The following PIGK variants were observed in gnomAD, a reference collection of about 807,000 sequenced individuals.
PIGK encodes phosphatidylinositol glycan anchor biosynthesis class K, also known as GPI-anchor transamidase.
In PIGK, 42 loss-of-function variants were observed where a neutral mutation model predicts 50.6. The ratio of observed to expected loss-of-function variants is 0.83; its 90% CI spans 0.65 to 1.07. The LOEUF (loss-of-function observed/expected upper bound fraction) is 1.07. Among genes scored for constraint, PIGK ranks in the 50% least tolerant of loss-of-function variants. The pLI is 0.00. For missense variants in PIGK, 448 were observed against 488.7 expected (o/e 0.92, Z 0.78); for synonymous variants, 151 against 156.0 (o/e 0.97, Z 0.24).
At chr1:77,129,062 A>G (rs1654296631) in intron 9 of PIGK, 1 of 804,800 alleles carries the variant, frequency 1.2e-6, no homozygotes, top group African/African-American at 1.7e-5. Context: ...CAAATGCTTT[A>G]AATATTTACT....
chr1:77,202,378 G>T (rs1416442000), intron 3 of PIGK, among the ~76,000 whole-genome samples: 1 of 152,182 alleles, frequency 6.6e-6, no homozygotes. Context: ...GACCCAGAAA[G>T]CTTTAGGGAA....
intron 3 of PIGK, among the ~76,000 whole-genome samples, chr1:77,191,213 T>C (rs771537487): frequency 6.6e-6 from 1 of 152,240 alleles, no homozygotes; most frequent in South Asian, 2.1e-4. Context: ...TAGTCATGAA[T>C]GTCACTGATC....
intron 9 of PIGK, among the ~76,000 whole-genome samples, chr1:77,124,630 A>AC (rs75600405): frequency 0.041 from 6,248 of 151,702 alleles, 168 homozygotes; most frequent in Middle Eastern, 0.065. Context: ...CAAAAAAAAA[A>AC]ACACACACAC....
Position 77,099,916 on chromosome 1 carries a change from C to T in PIGK, c.1072-7426G>A, listed in dbSNP as rs370435170. On this transcript the variant is annotated intron_variant, in intron 10 of 10. Transcript: ENST00000370812. ...AAAGGTGAAAAGCGTACATAAAACA[C>T]GGCAATATGTTATAAGCAAACACTT... 1.0e-3 allele frequency among the ~76,000 whole-genome samples: 155 copies of T among 152,198 alleles called. 2 individuals are homozygous for T. The highest frequency in any genetic ancestry group is 3.5e-3 in the African/African-American group (146 of 41,542).
At chr1:77,136,515 C>CT in intron 9 of PIGK, among the ~76,000 whole-genome samples, 1 of 119,246 alleles carries the variant, frequency 8.4e-6, no homozygotes, top group Non-Finnish European at 1.6e-5. Context: ...GGCGACTGGG[C>CT]GACAGAGCGA....
intron 10 of PIGK, among the ~76,000 whole-genome samples, chr1:77,102,779 T>C (rs1301751826): frequency 6.6e-6 from 1 of 152,262 alleles, no homozygotes. Context: ...AGATGTTTAT[T>C]ATATGTCTAC....
chr1:77,172,177 C>A (rs1570240533), intron 3 of PIGK, among the ~76,000 whole-genome samples: 1 of 149,320 alleles, frequency 6.7e-6, no homozygotes, highest in African/African-American at 2.5e-5. Context: ...GGTGGACAAA[C>A]CACAACCTAA....
At chr1:77,100,347 A>G (rs1364305368) in intron 10 of PIGK, among the ~76,000 whole-genome samples, 6 of 152,220 alleles carry the variant, frequency 3.9e-5, no homozygotes, top group Non-Finnish European at 5.9e-5. Context: ...GTGGTGGTTT[A>G]TTAGTATTTC....
chr1:77,130,196 T>TTC (rs1654337361), intron 9 of PIGK, among the ~76,000 whole-genome samples: 1 of 147,062 alleles, frequency 6.8e-6, no homozygotes, highest in Admixed American at 6.7e-5. Flanking sequence ...TGTCTTTTTT[T>TTC]TTTTTTTTTG....
intron 10 of PIGK, among the ~76,000 whole-genome samples, chr1:77,117,208 C>T (rs1653998056): frequency 6.6e-6 from 1 of 152,158 alleles, no homozygotes; most frequent in South Asian, 2.1e-4. Flanking sequence ...TCTCTTATGC[C>T]TTGGATAATT....
chr1:77,137,132 C>G (rs1248569196), intron 9 of PIGK, among the ~76,000 whole-genome samples: 1 of 152,150 alleles, frequency 6.6e-6, no homozygotes, highest in Non-Finnish European at 1.5e-5. Flanking sequence ...GGCCACAAAA[C>G]GTCTTGCATG....
rs924461093 is a variant in PIGK at position 77,091,576 on chromosome 1, T to C, written c.*798A>G. ...CAGAACGCTTACAAATGAAAAACAA[T>C]GGGGTATGTTTCTCTTGAGCAGTCA... On this transcript the variant is annotated 3_prime_UTR_variant, in exon 11 of 11. Transcript: ENST00000370812. 3 of 152,074 alleles carry C rather than the reference T, an allele frequency of 2.0e-5. No homozygotes were observed. The highest frequency in any genetic ancestry group is 4.8e-5 in the African/African-American group (2 of 41,416). 9.4% of individuals were successfully genotyped at this position (152,074 alleles called of 1,614,324 possible).
intron 10 of PIGK, among the ~76,000 whole-genome samples, chr1:77,097,905 C>T (rs1263273721): frequency 6.6e-6 from 1 of 151,914 alleles, no homozygotes; most frequent in Non-Finnish European, 1.5e-5. Context: ...ATACCCATAA[C>T]ATGAGATGTA....
chr1:77,171,559 G>A (rs2689667), intron 3 of PIGK, among the ~76,000 whole-genome samples: 1 of 148,786 alleles, frequency 6.7e-6, no homozygotes, highest in Non-Finnish European at 1.5e-5. Flanking sequence ...ATATCAATCA[G>A]AAAGAAGTAC....
chr1:77,187,751 C>T (rs998309724), intron 3 of PIGK, among the ~76,000 whole-genome samples: 11 of 152,268 alleles, frequency 7.2e-5, no homozygotes, highest in African/African-American at 2.6e-4. Context: ...TGGCCCAGAC[C>T]CTTCAGGAAT....
intron 3 of PIGK, among the ~76,000 whole-genome samples, chr1:77,174,615 G>C (rs1655440948): frequency 6.6e-6 from 1 of 152,162 alleles, no homozygotes; most frequent in African/African-American, 2.4e-5. Context: ...ATTTGGATCA[G>C]AGAAAGCATG....
chr1:77,217,268 C>T (rs753499200), intron 1 of PIGK, among the ~76,000 whole-genome samples: 2 of 152,080 alleles, frequency 1.3e-5, no homozygotes, highest in Non-Finnish European at 2.9e-5. Context: ...AAGAGTACAA[C>T]AGAGGGACCT....
intron 10 of PIGK, among the ~76,000 whole-genome samples, chr1:77,110,781 G>A (rs948776403): frequency 1.3e-5 from 2 of 152,186 alleles, no homozygotes; most frequent in Admixed American, 6.5e-5. Context: ...AAACTAAAGA[G>A]TTTGTGCACA....
intron 9 of PIGK, chr1:77,154,128 G>A (rs1654954271): frequency 4.9e-6 from 2 of 404,088 alleles, no homozygotes; most frequent in South Asian, 4.8e-5. Context: ...GTTACCAGGA[G>A]GCCTAACAGA....
Sources: allele counts gnomAD v4.1 joint callset (sites outside exome capture counted in the v4.1 genomes callset), GRCh38; gene constraint gnomAD v4.1.1; transcripts MANE v1.5; gene names NCBI Gene and HGNC (gene_info 2026-07-23, HGNC 2026-07-21).